The following MAGT1 variants were observed in gnomAD, a reference collection of about 807,000 sequenced individuals.
MAGT1 encodes the protein magnesium transporter 1.
In MAGT1, 4 loss-of-function variants were observed where a neutral mutation model predicts 28.4. That is an observed-to-expected ratio of 0.14 (90% CI 0.07 to 0.32). MAGT1 has a LOEUF of 0.32. Among genes scored for constraint, MAGT1 ranks in the 10% least tolerant of loss-of-function variants. MAGT1 has a pLI of 1.00. For synonymous variants in MAGT1, 89 were observed against 89.7 expected (o/e 0.99, Z 0.04); for missense variants, 193 against 264.5 (o/e 0.73, Z 1.88).
At chrX:77,857,532 C>G in intron 3 of MAGT1, 35 bp from the exon 4 acceptor site, 1 of 1,198,251 alleles carries the variant, frequency 8.3e-7, no homozygotes, top group Non-Finnish European at 1.1e-6. Flanking sequence ...TATACATTAT[C>G]AGGAAAATAA....
At chrX:77,851,938 GC>G (rs782342680) in intron 7 of MAGT1, among the ~76,000 whole-genome samples, 1 of 97,120 alleles carries the variant, frequency 1.0e-5, no homozygotes, top group Admixed American at 1.1e-4. Context: ...TGCTCTAATT[GC>G]CCACGCTGGA....
In MAGT1 at chrX:77,844,317, C is replaced by T. The variant is rs1364018858; in HGVS notation, c.827-2997G>A. Among the ~76,000 whole-genome samples the T allele has an allele frequency of 2.7e-5, 3 of 111,402 alleles. No homozygotes were observed. In the East Asian group the frequency reaches 8.4e-4, roughly 31 times the overall value. ...ATATCCCCTTTATCATTTTTTATTGCATCTATTTGATTCTTCTCTCTTTTC... is the reference window on the plus strand; with the variant it reads ...ATATCCCCTTTATCATTTTTTATTGTATCTATTTGATTCTTCTCTCTTTTC... On this transcript the variant is annotated intron_variant, in intron 7 of 9. Coordinates refer to ENST00000618282, the MANE Select transcript of MAGT1 (RefSeq NM_001367916.1).
In MAGT1 at chrX:77,829,184, C is replaced by T. The variant is rs182409797; in HGVS notation, c.*36G>A. The T allele has an allele frequency of 1.2e-4, 141 of 1,167,621 alleles. No individual in the cohort carries two copies. In the African/African-American group the frequency reaches 2.4e-3, roughly 19 times the overall value. ...ACACACGATTTTCGTTTTTCAATTT[C>T]CAGTACTCCAGTGTCTATATATCTC... On this transcript the variant is annotated 3_prime_UTR_variant, in exon 10 of 10. Transcript: ENST00000618282.
At chrX:77,875,696 AG>A in intron 1 of MAGT1, 99 bp from the exon 2 acceptor site, 1 of 899,017 alleles carries the variant, frequency 1.1e-6, no homozygotes, top group Non-Finnish European at 1.6e-6. Context: ...TAACAAGCAG[AG>A]GTATACAGAA....
At chrX:77,841,981 C>G (rs972422783) in intron 7 of MAGT1, among the ~76,000 whole-genome samples, 1 of 107,758 alleles carries the variant, frequency 9.3e-6, no homozygotes, top group African/African-American at 3.4e-5. Context: ...TGAATGACCA[C>G]GCCCAGCCCT....
rs2077031147 is a variant in MAGT1 at position 77,875,543 on chromosome X, C to T, written c.157G>A (p.Val53Ile). Residue 53 changes from valine (V) to isoleucine (I), a missense_variant, in exon 2 of 10, where the codon GTA becomes ATA. Val to Ile is a conservative substitution (Grantham distance 29). Coordinates refer to ENST00000618282, the MANE Select transcript of MAGT1 (RefSeq NM_001367916.1). ...AACTTGTCTCCATTCATTCTTATTA[C>T]AGGTCTTTTGTTAGTCCATTCCATC... The part of the protein sequence containing the change: ...QLMEWTNKRP[V>I]IRMNGDKFRR... The T allele has an allele frequency of 8.3e-7, 1 of 1,206,960 alleles. No homozygotes were observed. The highest frequency in any genetic ancestry group is 1.1e-6 in the Non-Finnish European group (1 of 894,003).
chrX:77,881,273 G>C (rs1317152839), intron 1 of MAGT1, among the ~76,000 whole-genome samples: 3 of 110,343 alleles, frequency 2.7e-5, no homozygotes, highest in Non-Finnish European at 5.7e-5. Flanking sequence ...TTTATATATA[G>C]ATATTTATTA....
At chrX:77,883,553 CTTTTTTTTTTTT>C (rs1166624171) in intron 1 of MAGT1, among the ~76,000 whole-genome samples, 1 of 61,710 alleles carries the variant, frequency 1.6e-5, no homozygotes, top group African/African-American at 5.9e-5. Flanking sequence ...AATTCATTTT[CTTTTTTTTTTTT>C]TTTTTTTTTT....
Position 77,825,982 on chromosome X carries a change from T to C in MAGT1, c.*3238A>G, listed in dbSNP as rs1226016116. On this transcript the variant is annotated 3_prime_UTR_variant, in exon 10 of 10. Transcript: ENST00000618282. ...TGTTTGCAAAAGAGCTGCTGTCTAG[T>C]TTCATATAACTTATAATCTGCCAGG... is the stretch of plus-strand genomic sequence containing the variant. 8.9e-6 allele frequency among the ~76,000 whole-genome samples: 1 copy of C among 112,728 alleles called. No individual in the cohort carries two copies. Among genetic ancestry groups the C allele is most frequent in the Non-Finnish European group, 1.9e-5 (1 of 53,376 alleles).
At chrX:77,861,835 A>G (rs1557216499) in intron 3 of MAGT1, among the ~76,000 whole-genome samples, 1 of 111,830 alleles carries the variant, frequency 8.9e-6, no homozygotes, top group African/African-American at 3.2e-5. Flanking sequence ...CACTTATATT[A>G]GGTACCTAGA....
At chrX:77,860,974 G>A (rs1236333368) in intron 3 of MAGT1, among the ~76,000 whole-genome samples, 1 of 110,172 alleles carries the variant, frequency 9.1e-6, no homozygotes, top group Non-Finnish European at 1.9e-5. Context: ...TCGGGAGTCC[G>A]CAACCAGCCT....
rs1211576313 is a variant in MAGT1 at position 77,883,072 on chromosome X, TATA to T, written c.103-7478_103-7476del. On this transcript the variant is annotated intron_variant, in intron 1 of 9. Coordinates refer to ENST00000618282, the MANE Select transcript of MAGT1 (RefSeq NM_001367916.1). ...ATATTATATTAATATAATAATATAATATAATTATAATATGTATTATATTAATAT... is the reference window on the plus strand; with the variant it reads ...ATATTATATTAATATAATAATATAATATTATAATATGTATTATATTAATAT... Among the ~76,000 whole-genome samples the T allele has an allele frequency of 3.9e-4, 40 of 101,890 alleles. No individual in the cohort carries two copies. In the East Asian group the frequency reaches 0.01, roughly 26 times the overall value. The allele number at this position is 101,890 out of a possible 115,157, so 88.5% of individuals were successfully genotyped here. A position where few individuals can be genotyped will look rare whatever the true frequency, so the allele number is the denominator to read the frequency against.
rs148532585 is a variant in MAGT1 at position 77,853,997 on chromosome X, A to G, written c.763-33T>C. 3,366 of 1,064,655 alleles carry G rather than the reference A, an allele frequency of 3.2e-3. 52 individuals are homozygous for G. In the East Asian group the frequency reaches 0.044, roughly 14 times the overall value. 87.7% of individuals were successfully genotyped at this position (1,064,655 alleles called of 1,213,427 possible). On this transcript the variant is annotated intron_variant, in intron 6 of 9. Transcript: ENST00000618282. ...GGAAAAAAGACAAAATGGAATCTTT[A>G]AGTATACATTAAATGTTGGTATGCT...
chrX:77,842,319 G>T (rs2076937288), intron 7 of MAGT1, among the ~76,000 whole-genome samples: 1 of 109,629 alleles, frequency 9.1e-6, no homozygotes, highest in Non-Finnish European at 1.9e-5. Context: ...ACTTGAGCCT[G>T]GAAGGTTGAG....
chrX:77,891,161 A>G (rs1252045911), intron 1 of MAGT1, among the ~76,000 whole-genome samples: 4 of 111,254 alleles, frequency 3.6e-5, no homozygotes, highest in Non-Finnish European at 7.5e-5. Flanking sequence ...ACCATAAAAT[A>G]AAACCAGTCG....
At chrX:77,890,336 C>T (rs1358376315) in intron 1 of MAGT1, among the ~76,000 whole-genome samples, 3 of 112,108 alleles carry the variant, frequency 2.7e-5, no homozygotes, top group African/African-American at 6.5e-5. Flanking sequence ...ATATAACGGG[C>T]AGATAATTAC....
intron 3 of MAGT1, among the ~76,000 whole-genome samples, chrX:77,867,806 C>T (rs2077011375): frequency 1.5e-5 from 1 of 67,133 alleles, no homozygotes; most frequent in African/African-American, 3.5e-5. Flanking sequence ...AGCTTTTGAA[C>T]CCTGAAGTAA....
chrX:77,857,323 G>A (rs1323393691), intron 4 of MAGT1, 34 bp downstream of exon 4: 1 of 1,209,250 alleles, frequency 8.3e-7, no homozygotes, highest in Non-Finnish European at 1.1e-6. Flanking sequence ...GGGGATAATG[G>A]CCAAGAAACA....
At chrX:77,893,874 G>A (rs1557219683) in intron 1 of MAGT1, among the ~76,000 whole-genome samples, 1 of 109,829 alleles carries the variant, frequency 9.1e-6, no homozygotes, top group African/African-American at 3.3e-5. Context: ...CTGAACTCCA[G>A]CCTGGGCAAC....
Sources: allele counts gnomAD v4.1 joint callset (sites outside exome capture counted in the v4.1 genomes callset), GRCh38; gene constraint gnomAD v4.1.1; transcripts MANE v1.5; gene names NCBI Gene and HGNC (gene_info 2026-07-23, HGNC 2026-07-21).